PCDH15: variants seen among roughly 807,000 people sequenced by gnomAD.
PCDH15 encodes protocadherin-15.
A neutral mutation model predicts 178.5 loss-of-function variants in PCDH15; 129 were observed. The observed-to-expected ratio is 0.72, with a 90% CI of 0.63 to 0.84. The LOEUF is 0.84. Ranked by LOEUF, PCDH15 falls within the 40% of genes least tolerant of loss-of-function variation. The pLI is 0.00. For missense variants in PCDH15, 2,230 were observed against 2,099.9 expected (o/e 1.06, Z -1.21); for synonymous variants, 800 against 732.0 (o/e 1.09, Z -1.50).
chr10:55,182,423 T>C (rs1208272271), intron 1 of PCDH15, among the ~76,000 whole-genome samples: 2 of 151,924 alleles, frequency 1.3e-5, no homozygotes, highest in Non-Finnish European at 2.9e-5. Context: ...CAACATATCA[T>C]AGTGGTTAAT....
intron 2 of PCDH15, among the ~76,000 whole-genome samples, chr10:55,396,059 G>A (rs1325703294): frequency 2.1e-5 from 3 of 143,300 alleles, no homozygotes; most frequent in East Asian, 1.9e-4. Context: ...TTCTGGATTC[G>A]TTAGATAAAA....
chr10:54,195,030 A>C (rs913435364), intron 11 of PCDH15, among the ~76,000 whole-genome samples: 1 of 152,084 alleles, frequency 6.6e-6, no homozygotes, highest in African/African-American at 2.4e-5. Context: ...TCTGTTCTCC[A>C]TTGTAAATTC....
At chr10:53,830,765 A>G (rs533962238) in intron 30 of PCDH15, among the ~76,000 whole-genome samples, 33 of 152,352 alleles carry the variant, frequency 2.2e-4, no homozygotes, top group African/African-American at 7.7e-4. Flanking sequence ...CAAATAGTAC[A>G]CTAAAAACTC....
intron 7 of PCDH15, 120 bp from the exon 8 acceptor site, chr10:54,317,561 G>A (rs746878237): frequency 3.7e-5 from 42 of 1,133,556 alleles, no homozygotes; most frequent in Middle Eastern, 2.1e-4. Context: ...GATCACTTGA[G>A]GTCAGGGGTT....
intron 1 of PCDH15, among the ~76,000 whole-genome samples, chr10:55,317,235 GAACTT>G (rs1843745567): frequency 6.6e-6 from 1 of 151,952 alleles, no homozygotes; most frequent in African/African-American, 2.4e-5. Context: ...TATACACAAA[GAACTT>G]AACTTTACCA....
At chr10:54,300,719 T>C (rs1484678240) in intron 8 of PCDH15, among the ~76,000 whole-genome samples, 1 of 152,128 alleles carries the variant, frequency 6.6e-6, no homozygotes, top group African/African-American at 2.4e-5. Flanking sequence ...GCTCTGTGTC[T>C]AGCTAAAGGA....
chr10:54,166,537 C>G (rs1422620612), intron 13 of PCDH15, among the ~76,000 whole-genome samples: 2 of 152,322 alleles, frequency 1.3e-5, no homozygotes, highest in Non-Finnish European at 1.5e-5. Flanking sequence ...ACTGGATGAG[C>G]AAGTTTACTA....
intron 1 of PCDH15, among the ~76,000 whole-genome samples, chr10:55,307,505 C>A (rs1843460351): frequency 6.8e-6 from 1 of 147,308 alleles, no homozygotes; most frequent in Non-Finnish European, 1.5e-5. Flanking sequence ...GAGACTCCAT[C>A]TCAAAAAAAA....
At chr10:55,245,017 CTA>C (rs1841648453) in intron 1 of PCDH15, among the ~76,000 whole-genome samples, 1 of 151,806 alleles carries the variant, frequency 6.6e-6, no homozygotes, top group Non-Finnish European at 1.5e-5. Context: ...TGAACCATTG[CTA>C]TCTTTGAAAT....
At chr10:55,521,040 T>G (rs1199377410) in intron 2 of PCDH15, among the ~76,000 whole-genome samples, 2 of 151,942 alleles carry the variant, frequency 1.3e-5, no homozygotes, top group Non-Finnish European at 2.9e-5. Context: ...TATATTAGAC[T>G]CCCCAGAATT....
At chr10:53,958,109 T>A (rs757313360) in intron 23 of PCDH15, among the ~76,000 whole-genome samples, 1 of 152,196 alleles carries the variant, frequency 6.6e-6, no homozygotes, top group Admixed American at 6.5e-5. Context: ...TTAGCTGCTG[T>A]TCTAGCTTAA....
intron 2 of PCDH15, among the ~76,000 whole-genome samples, chr10:55,571,573 G>T (rs1021265211): frequency 1.3e-5 from 2 of 152,076 alleles, no homozygotes; most frequent in Non-Finnish European, 2.9e-5. Flanking sequence ...AGGAACCACA[G>T]ATAAGGTGGC....
At chr10:54,028,442 A>G (rs1313653636) in intron 18 of PCDH15, among the ~76,000 whole-genome samples, 1 of 151,710 alleles carries the variant, frequency 6.6e-6, no homozygotes, top group Non-Finnish European at 1.5e-5. Context: ...TACTGGGTAT[A>G]TACCCAAAGG....
intron 25 of PCDH15, among the ~76,000 whole-genome samples, chr10:53,934,088 A>T (rs930260909): frequency 2.0e-4 from 31 of 152,128 alleles, no homozygotes; most frequent in Admixed American, 1.8e-3. Context: ...TTGTCAGATG[A>T]GTAGGTTGCA....
intron 10 of PCDH15, among the ~76,000 whole-genome samples, chr10:54,209,887 C>T (rs2134067244): frequency 6.6e-6 from 1 of 152,178 alleles, no homozygotes. Flanking sequence ...AGAGTTATGA[C>T]ATTAGTGATT....
At chr10:53,942,387 T>A (rs1329961046) in intron 23 of PCDH15, among the ~76,000 whole-genome samples, 2 of 152,198 alleles carry the variant, frequency 1.3e-5, no homozygotes, top group Non-Finnish European at 2.9e-5. Context: ...GCTTTGCCAA[T>A]CCCCATGGTA....
At chr10:55,528,367 C>T (rs560922323) in intron 2 of PCDH15, among the ~76,000 whole-genome samples, 1 of 152,086 alleles carries the variant, frequency 6.6e-6, no homozygotes, top group African/African-American at 2.4e-5. Flanking sequence ...CTAATGCTAT[C>T]CCTCACCCCT....
intron 2 of PCDH15, among the ~76,000 whole-genome samples, chr10:55,585,893 G>C (rs886664123): frequency 6.6e-6 from 1 of 151,904 alleles, no homozygotes; most frequent in Admixed American, 6.6e-5. Flanking sequence ...GTTCTGCCAG[G>C]CAATTGTTGA....
intron 2 of PCDH15, among the ~76,000 whole-genome samples, chr10:55,437,157 A>G (rs1839060779): frequency 6.6e-6 from 1 of 152,168 alleles, no homozygotes; most frequent in Admixed American, 6.5e-5. Context: ...CAACAGGAAA[A>G]TCAAATACCA....
Sources: allele counts gnomAD v4.1 joint callset (sites outside exome capture counted in the v4.1 genomes callset), GRCh38; gene constraint gnomAD v4.1.1; transcripts MANE v1.5; gene names NCBI Gene and HGNC (gene_info 2026-07-23, HGNC 2026-07-21).